Variants in PKM observed in about 807,000 individuals in gnomAD.
The protein encoded by PKM is pyruvate kinase PKM.
A neutral mutation model predicts 49.8 loss-of-function variants in PKM; 18 were observed. The ratio of observed to expected loss-of-function variants is 0.36; its 90% CI spans 0.25 to 0.54. The LOEUF is 0.54. PKM is among the 20% of genes least tolerant of loss of function. The probability of loss-of-function intolerance (pLI) is 0.89; values close to 1 mark genes in which losing one functional copy is unlikely to be tolerated. For synonymous variants in PKM, 239 were observed against 261.8 expected, an observed-to-expected ratio of 0.91 and a Z score of 0.84; for missense variants, 508 against 713.8, an observed-to-expected ratio of 0.71 and a Z score of 3.28.
At chr15:72,220,038 T>C (rs1476447352) in intron 1 of PKM, among the ~76,000 whole-genome samples, 1 of 152,196 alleles carries the variant, frequency 6.6e-6, no homozygotes, top group African/African-American at 2.4e-5. Context: ...AGCCTGTTAG[T>C]TAGCTGATTA....
chr15:72,230,741 G>A (rs1050788738), intron 1 of PKM, among the ~76,000 whole-genome samples: 4 of 152,142 alleles, frequency 2.6e-5, no homozygotes, highest in African/African-American at 7.2e-5. Context: ...GCACGGAACA[G>A]GCGGCGCGGA....
chr15:72,210,841 C>T (rs1330619229), intron 3 of PKM, among the ~76,000 whole-genome samples: 1 of 152,156 alleles, frequency 6.6e-6, no homozygotes, highest in African/African-American at 2.4e-5. Context: ...ATCAAATACC[C>T]TCAGCATATA....
At chr15:72,215,200 CAA>C (rs35057170) in intron 3 of PKM, among the ~76,000 whole-genome samples, 2 of 144,618 alleles carry the variant, frequency 1.4e-5, no homozygotes, top group South Asian at 2.2e-4. Flanking sequence ...GATTCTGTCT[CAA>C]AAAAAAAAAG....
intron 3 of PKM, among the ~76,000 whole-genome samples, chr15:72,217,017 A>G (rs1486989214): frequency 6.6e-6 from 1 of 152,256 alleles, no homozygotes; most frequent in East Asian, 1.9e-4. Context: ...GCTAGAATCA[A>G]TCTGCTAGAT....
chr15:72,210,623 A>G, intron 3 of PKM, 145 bp from the exon 4 acceptor site: 1 of 899,282 alleles, frequency 1.1e-6, no homozygotes, highest in East Asian at 2.7e-5. Context: ...CGATCCATGC[A>G]CTGAGAAATC....
chr15:72,202,273 A>T lies in PKM; in HGVS notation c.1307+181T>A. The T allele has an allele frequency of 1.5e-6, 1 of 645,732 alleles. No individual in the cohort carries two copies. Among genetic ancestry groups the T allele is most frequent in the Admixed American group, 2.5e-5 (1 of 40,136 alleles). 40.0% of individuals were successfully genotyped at this position (645,732 alleles called of 1,614,324 possible). On this transcript the variant is annotated intron_variant, in intron 9 of 10. Transcript: ENST00000335181. The surrounding 1 kb of genome is among the most constrained non-coding windows in gnomAD (Gnocchi z 4.5). ...GACATTCCTTATGAGTGCTACCTAG[A>T]GTCCTTTGGGCCCAGGGAAGGGGCT...
intron 7 of PKM, 79 bp downstream of exon 7, chr15:72,207,048 A>G: frequency 6.4e-7 from 1 of 1,556,264 alleles, no homozygotes; most frequent in Non-Finnish European, 8.9e-7. Flanking sequence ...CCATGGGAAG[A>G]GATCAGACAG....
Position 72,219,125 on chromosome 15 carries a change from AT to A in PKM, c.-13-16del. The A allele has an allele frequency of 6.2e-7, 1 of 1,608,402 alleles. No individual in the cohort carries two copies. Among genetic ancestry groups the A allele is most frequent in the Non-Finnish European group, 8.5e-7 (1 of 1,175,670 alleles). On this transcript the variant is annotated splice_polypyrimidine_tract_variant and intron_variant, in intron 1 of 10. Coordinates refer to ENST00000335181, the MANE Select transcript of PKM (RefSeq NM_002654.6). ...CTGCTGAGGTCCTGGGTCGAGACAA[AT>A]TGAAAGAGAGTGGTAAGACTGAGAA...
rs936235144 is a variant in PKM at position 72,229,516 on chromosome 15, C to T, written c.-14+1600G>A. The T allele has an allele frequency of 7.9e-6, 10 of 1,260,046 alleles. No individual in the cohort carries two copies. The Admixed American group carries it at 1.8e-4, about 23-fold the overall frequency. The allele number at this position is 1,260,046 out of a possible 1,614,324, so 78.1% of individuals were successfully genotyped here. The stretch of plus-strand genomic sequence containing the variant: ...AGGTCCAAGCCCTGGGTCTGGAGTA[C>T]GTAGATTAAGAAGCCAAGGGATGCC... On this transcript the variant is annotated intron_variant, in intron 1 of 10. Transcript: ENST00000335181.
In PKM at chr15:72,202,539, G is replaced by T; in HGVS notation, c.1222C>A (p.Pro408Thr). 6.2e-7 allele frequency: 1 copy of T among 1,613,622 alleles called. No individual in the cohort carries two copies. Among genetic ancestry groups the T allele is most frequent in the Non-Finnish European group, 8.5e-7 (1 of 1,179,912 alleles). The change falls in exon 9 of 11, where the codon CCC becomes ACC. Residue 408 changes from proline to threonine, a missense_variant. Coordinates refer to ENST00000335181, the MANE Select transcript of PKM (RefSeq NM_002654.6). This position sits in a 1 kb window ranked among gnomAD's most constrained non-coding sequence, Gnocchi z 4.5. ...LRRLAPITSDPTEATAVGAVE... is the reference protein window; with the variant it reads ...LRRLAPITSDTTEATAVGAVE... ...GCACCCACGGCGGTGGCTTCTGTGG[G>T]GTCGCTGGTAATGGGCGCCAGGCGG...
At chr15:72,206,527 G>A (rs1405355266) in intron 8 of PKM, 4 of 588,328 alleles carry the variant, frequency 6.8e-6, no homozygotes, top group African/African-American at 5.6e-5. Context: ...GAGGGGTGGG[G>A]GTGTGGGCAG....
chr15:72,209,810 G>A lies in PKM; in HGVS notation c.428C>T (p.Thr143Met), dbSNP rs771205682. 1.9e-5 allele frequency: 30 copies of A among 1,613,904 alleles called. No individual in the cohort carries two copies. The Admixed American group carries it at 3.7e-4, about 20-fold the overall frequency. Residue 143 changes from threonine (T) to methionine (M), a missense_variant, in exon 5 of 11, where the codon ACG becomes ATG. Physicochemically the swap from Thr to Met is moderately conservative, Grantham distance 81. Coordinates refer to ENST00000335181, the MANE Select transcript of PKM (RefSeq NM_002654.6). ...CTTTTCCATGTAGGCGTTATCCAGC[G>A]TGATTTTGAGAGTGGCTCCCTTCTT... ...ELKKGATLKI[T>M]LDNAYMEKCD...
intron 3 of PKM, among the ~76,000 whole-genome samples, chr15:72,215,573 T>C (rs899533243): frequency 6.6e-6 from 1 of 152,104 alleles, no homozygotes; most frequent in Non-Finnish European, 1.5e-5. Context: ...GGAGTGAAAG[T>C]AGAGATAATC....
At chr15:72,219,611 T>C (rs1275478442) in intron 1 of PKM, among the ~76,000 whole-genome samples, 2 of 152,210 alleles carry the variant, frequency 1.3e-5, no homozygotes, top group African/African-American at 2.4e-5. Context: ...GGCACCCATA[T>C]TGCCTCTTTA....
intron 3 of PKM, among the ~76,000 whole-genome samples, chr15:72,216,377 G>A (rs756599833): frequency 2.0e-5 from 3 of 152,184 alleles, no homozygotes; most frequent in Non-Finnish European, 2.9e-5. Context: ...GCTCATTCCT[G>A]TAATCCCAAC....
chr15:72,229,004 T>C (rs1344348496), intron 1 of PKM, among the ~76,000 whole-genome samples: 1 of 152,210 alleles, frequency 6.6e-6, no homozygotes, highest in African/African-American at 2.4e-5. Flanking sequence ...AAAAAGCATC[T>C]GCTCCAAGCA....
rs535768165 is a variant in PKM, at chr15:72,216,362, T to C, written c.246+1047A>G. Among the ~76,000 whole-genome samples, 9 of 152,336 alleles carry C rather than the reference T, an allele frequency of 5.9e-5. No homozygotes were observed. In the South Asian group the frequency reaches 1.4e-3, roughly 25 times the overall value. ...AAAAGGCACAATCCCAGGCTGAGCA[T>C]GGTAGCTCATTCCTGTAATCCCAAC... On this transcript the variant is annotated intron_variant, in intron 3 of 10. Transcript: ENST00000335181.
intron 1 of PKM, among the ~76,000 whole-genome samples, chr15:72,224,789 G>A (rs1478614479): frequency 6.6e-6 from 1 of 151,812 alleles, no homozygotes; most frequent in African/African-American, 2.4e-5. Flanking sequence ...AGGAAGTGGA[G>A]GCTGCAGTGA....
chr15:72,200,615 T>C lies in PKM; in HGVS notation c.1348A>G (p.Ile450Val). Residue 450 changes from isoleucine (I) to valine (V), a missense_variant, in exon 10 of 11, where the codon ATC becomes GTC. Transcript: ENST00000335181. This position sits in a 1 kb window ranked among gnomAD's most constrained non-coding sequence, Gnocchi z 4.6. The part of the protein sequence containing the change: ...QVARYRPRAP[I>V]IAVTRNPQTA... ...TGGGGATTCCGGGTCACAGCAATGA[T>C]GGGGGCACGTGGGCGGTATCTGGCC... 1 of 1,613,310 alleles carries C rather than the reference T, an allele frequency of 6.2e-7. No homozygotes were observed. The highest frequency in any genetic ancestry group is 8.5e-7 in the Non-Finnish European group (1 of 1,179,532).
Sources: gnomAD v4.1 joint callset for allele counts (sites outside exome capture counted in the v4.1 genomes callset) on GRCh38, gnomAD v4.1.1 for gene constraint, Gnocchi (gnomAD v3.1) non-coding constraint, MANE v1.5 for transcripts, NCBI Gene and HGNC (gene_info 2026-07-23, HGNC 2026-07-21) for gene names.